Variants in SYNRG observed in about 807,000 individuals in gnomAD.
SYNRG encodes synergin gamma, also known as AP1 gamma subunit binding protein 1.
In SYNRG, 37 loss-of-function variants were observed where a neutral mutation model predicts 130.9. That is an observed-to-expected ratio of 0.28 (90% CI 0.22 to 0.37). The LOEUF (loss-of-function observed/expected upper bound fraction) is 0.37, where lower values mean the gene tolerates loss of function less well. SYNRG is among the 10% of genes least tolerant of loss of function. The pLI is 1.00. For synonymous variants in SYNRG, 539 were observed against 568.1 expected (o/e 0.95, Z 0.73); for missense variants, 1,338 against 1,588.9 (o/e 0.84, Z 2.68).
In SYNRG at chr17:37,518,977, G is replaced by A; in HGVS notation, c.3908C>T (p.Pro1303Leu). Residue 1303 changes from proline (P) to leucine (L), a missense_variant, in exon 22 of 22, where the codon CCA becomes CTA. By Grantham distance (98) the Pro-to-Leu change is moderately conservative. This residue lies in a region of SYNRG where 1,146 missense variants were observed against 1,342.3 expected (regional missense o/e 0.85). Transcript: ENST00000612223. Reference sequence around the variant, plus strand: ...AGGCAGGACGAGGCCAGGAGGCTTTGGTTCGACACAGTTGATCCAGAAGTT... The same window carrying A: ...AGGCAGGACGAGGCCAGGAGGCTTTAGTTCGACACAGTTGATCCAGAAGTT... ...CANFWINCVEPKPPGLVLPDL... is the reference protein window; with the variant it reads ...CANFWINCVELKPPGLVLPDL... 1.2e-6 allele frequency: 2 copies of A among 1,614,184 alleles called. No homozygotes were observed. Among genetic ancestry groups the A allele is most frequent in the East Asian group, 4.5e-5 (2 of 44,882 alleles).
intron 11 of SYNRG, among the ~76,000 whole-genome samples, chr17:37,563,471 T>A (rs1175695155): frequency 6.6e-6 from 1 of 152,224 alleles, no homozygotes; most frequent in Admixed American, 6.5e-5. Context: ...ATATTTTGAT[T>A]TCAGCAGAAT....
chr17:37,595,541 A>G (rs542864715), intron 3 of SYNRG, among the ~76,000 whole-genome samples: 14 of 152,154 alleles, frequency 9.2e-5, no homozygotes, highest in African/African-American at 3.1e-4. Flanking sequence ...TGTTGGTACT[A>G]TGCTCACTAC....
intron 1 of SYNRG, chr17:37,600,652 T>C: frequency 1.7e-6 from 1 of 605,012 alleles, no homozygotes; most frequent in Non-Finnish European, 3.0e-6. Flanking sequence ...TGTCACTTCG[T>C]GTCCTCTCTG....
At chr17:37,544,311 T>G (rs2058063836) in intron 14 of SYNRG, among the ~76,000 whole-genome samples, 2 of 152,024 alleles carry the variant, frequency 1.3e-5, no homozygotes, top group South Asian at 2.1e-4. Context: ...AAAGTTTTTT[T>G]TTTTTTTTAA....
intron 19 of SYNRG, among the ~76,000 whole-genome samples, chr17:37,529,163 C>A (rs1290859631): frequency 6.6e-6 from 1 of 152,204 alleles, no homozygotes; most frequent in Non-Finnish European, 1.5e-5. Context: ...GGCATAAATG[C>A]CCAGCCCTTT....
intron 3 of SYNRG, among the ~76,000 whole-genome samples, chr17:37,590,647 G>T (rs1260719991): frequency 1.3e-5 from 2 of 152,142 alleles, no homozygotes; most frequent in Non-Finnish European, 2.9e-5. Context: ...ATGGCCAGGC[G>T]CAGTGGCTCA....
intron 19 of SYNRG, 138 bp from the exon 20 acceptor site, chr17:37,520,786 C>CA: frequency 1.4e-6 from 1 of 691,900 alleles, no homozygotes; most frequent in South Asian, 1.8e-5. Context: ...ATTAACCTCC[C>CA]ACACATCCAC....
chr17:37,532,112 T>C (rs1011324938), intron 19 of SYNRG, among the ~76,000 whole-genome samples: 3 of 152,274 alleles, frequency 2.0e-5, no homozygotes, highest in African/African-American at 7.2e-5. Flanking sequence ...CTACTCTGAA[T>C]GCATATTAAG....
intron 8 of SYNRG, 53 bp downstream of exon 8, chr17:37,576,288 A>G (rs2060829264): frequency 6.4e-7 from 1 of 1,561,858 alleles, no homozygotes; most frequent in Non-Finnish European, 8.8e-7. Flanking sequence ...TACATTTACA[A>G]TATTTAAACC....
intron 14 of SYNRG, among the ~76,000 whole-genome samples, chr17:37,543,819 G>A (rs1475360910): frequency 4.6e-5 from 7 of 152,230 alleles, no homozygotes; most frequent in African/African-American, 1.2e-4. Flanking sequence ...AAAACCAGCC[G>A]AGACTGAATT....
At chr17:37,569,956 G>A (rs963001098) in intron 10 of SYNRG, among the ~76,000 whole-genome samples, 2 of 152,126 alleles carry the variant, frequency 1.3e-5, no homozygotes, top group African/African-American at 4.8e-5. Context: ...GATTACCACT[G>A]TGTGAAGGAA....
At chr17:37,584,285 G>A (rs1275885409) in intron 6 of SYNRG, 2 of 171,096 alleles carry the variant, frequency 1.2e-5, no homozygotes, top group African/African-American at 4.8e-5. Flanking sequence ...AATGAAATCA[G>A]AGCTAGTTCA....
intron 6 of SYNRG, among the ~76,000 whole-genome samples, chr17:37,581,913 C>T (rs779404541): frequency 2.0e-5 from 3 of 151,850 alleles, no homozygotes; most frequent in Non-Finnish European, 4.4e-5. Flanking sequence ...TACAGGCATG[C>T]GCCACCACAC....
intron 11 of SYNRG, 35 bp from the exon 12 acceptor site, chr17:37,561,624 G>A (rs779182628): frequency 6.8e-6 from 10 of 1,468,034 alleles, no homozygotes; most frequent in Admixed American, 3.4e-5. Context: ...TGATGACATT[G>A]AATCCCTCCT....
chr17:37,560,038 C>T (rs1351569661), intron 13 of SYNRG, among the ~76,000 whole-genome samples: 1 of 152,160 alleles, frequency 6.6e-6, no homozygotes, highest in Non-Finnish European at 1.5e-5. Flanking sequence ...GCTGGGGCCA[C>T]AGGTGTGCAC....
intron 5 of SYNRG, 38 bp downstream of exon 5, chr17:37,585,287 G>A (rs1195630912): frequency 6.7e-7 from 1 of 1,503,752 alleles, no homozygotes; most frequent in South Asian, 1.2e-5. Flanking sequence ...CATTCAGGGT[G>A]TGTATGTTCT....
At chr17:37,541,880 G>A (rs1229313985) in intron 15 of SYNRG, 92 bp downstream of exon 15, 88 of 1,215,340 alleles carry the variant, frequency 7.2e-5, no homozygotes, top group Non-Finnish European at 9.6e-5. Flanking sequence ...TATTTCCTGC[G>A]AAACCAGAGA....
At chr17:37,576,661 A>C (rs2060860283) in intron 7 of SYNRG, among the ~76,000 whole-genome samples, 1 of 152,216 alleles carries the variant, frequency 6.6e-6, no homozygotes, top group Non-Finnish European at 1.5e-5. Flanking sequence ...TATCAAATCA[A>C]TACTCTAAAT....
chr17:37,548,316 A>G (rs1240273916), intron 14 of SYNRG, among the ~76,000 whole-genome samples: 1 of 152,240 alleles, frequency 6.6e-6, no homozygotes, highest in African/African-American at 2.4e-5. Context: ...CACATATCAT[A>G]AATAAAATAT....
Sources: gnomAD v4.1 joint callset for allele counts (sites outside exome capture counted in the v4.1 genomes callset) on GRCh38, gnomAD v4.1.1 for gene constraint, gnomAD v4.1.1 regional missense constraint, MANE v1.5 for transcripts, NCBI Gene and HGNC (gene_info 2026-07-23, HGNC 2026-07-21) for gene names.